ZFAND3: variants seen among roughly 807,000 people sequenced by gnomAD.
ZFAND3 encodes zinc finger AN1-type containing 3, also known as AN1-type zinc finger protein 3.
A neutral mutation model predicts 29.6 loss-of-function variants in ZFAND3; 10 were observed. The observed-to-expected ratio is 0.34, with a 90% CI of 0.21 to 0.57. The LOEUF is 0.57. Among genes scored for constraint, ZFAND3 ranks in the 20% least tolerant of loss-of-function variants. ZFAND3 has a pLI of 0.86. For synonymous variants in ZFAND3, 128 were observed against 112.6 expected, an observed-to-expected ratio of 1.14 and a Z score of -0.87; for missense variants, 230 against 304.5, an observed-to-expected ratio of 0.76 and a Z score of 1.82.
intron 5 of ZFAND3, among the ~76,000 whole-genome samples, chr6:38,148,542 C>T (rs930965681): frequency 1.2e-4 from 18 of 152,162 alleles, no homozygotes; most frequent in African/African-American, 3.9e-4. Context: ...TAAAACTGCT[C>T]ATATTGAAAT....
rs148567887 is a variant in ZFAND3 at position 37,962,263 on chromosome 6, G to C, written c.112+32264G>C. 7.6e-4 allele frequency among the ~76,000 whole-genome samples: 116 copies of C among 152,236 alleles called. 1 individual carries two copies. The East Asian group carries it at 0.017, about 22-fold the overall frequency. ...GGCAGAATTGACCAAACAGAAGAAA[G>C]AATTAGTGAGCTTGAAGACATGCTG... On this transcript the variant is annotated intron_variant, in intron 2 of 5. Transcript: ENST00000287218.
chr6:37,904,179 A>G (rs1363627917), intron 1 of ZFAND3, among the ~76,000 whole-genome samples: 2 of 152,192 alleles, frequency 1.3e-5, no homozygotes, highest in African/African-American at 2.4e-5. Context: ...GGCAGTGTAC[A>G]TCCTGTGGAA....
At chr6:38,147,209 A>G (rs1400489730) in intron 5 of ZFAND3, among the ~76,000 whole-genome samples, 1 of 152,090 alleles carries the variant, frequency 6.6e-6, no homozygotes, top group Non-Finnish European at 1.5e-5. Context: ...TGTTTAAATT[A>G]TTTAGCTCCT....
intron 5 of ZFAND3, among the ~76,000 whole-genome samples, chr6:38,126,330 A>C (rs1765634020): frequency 6.6e-6 from 1 of 152,168 alleles, no homozygotes; most frequent in Non-Finnish European, 1.5e-5. Context: ...GGTTATTGCC[A>C]GTTTGGGGCC....
intron 1 of ZFAND3, among the ~76,000 whole-genome samples, chr6:37,850,905 A>C (rs754765908): frequency 1.0e-4 from 15 of 149,660 alleles, no homozygotes; most frequent in Non-Finnish European, 1.9e-4. Context: ...TGGCCCTTTG[A>C]CTCTTTATAC....
chr6:38,100,437 G>C (rs1414313998), intron 4 of ZFAND3, among the ~76,000 whole-genome samples: 1 of 152,200 alleles, frequency 6.6e-6, no homozygotes. Flanking sequence ...AGCCATTGCA[G>C]TAATTAATGC....
chr6:38,102,238 T>C lies in ZFAND3; in HGVS notation c.362-14334T>C, dbSNP rs137989704. Among the ~76,000 whole-genome samples, 409 of 152,302 alleles carry C rather than the reference T, an allele frequency of 2.7e-3. 6 individuals are homozygous for C. Among genetic ancestry groups the C allele is most frequent in the African/African-American group, 9.4e-3 (392 of 41,572 alleles). On this transcript the variant is annotated intron_variant, in intron 4 of 5. Coordinates refer to ENST00000287218, the MANE Select transcript of ZFAND3 (RefSeq NM_021943.3). ...GCTCCCACCCTGAAAGCTTGCATTA[T>C]AAGTCAGACAGGCAAAACATTTGGA...
intron 5 of ZFAND3, among the ~76,000 whole-genome samples, chr6:38,130,246 C>T (rs1252361809): frequency 6.6e-6 from 1 of 152,154 alleles, no homozygotes; most frequent in African/African-American, 2.4e-5. Context: ...ACGATCATAT[C>T]ATCCATCAGC....
chr6:38,141,525 T>A (rs2127495369), intron 5 of ZFAND3, among the ~76,000 whole-genome samples: 1 of 152,366 alleles, frequency 6.6e-6, no homozygotes, highest in South Asian at 2.1e-4. Flanking sequence ...TAATTCAGAT[T>A]TCTCTGAAAT....
intron 1 of ZFAND3, among the ~76,000 whole-genome samples, chr6:37,923,072 T>C (rs1312009215): frequency 6.6e-6 from 1 of 152,218 alleles, no homozygotes; most frequent in South Asian, 2.1e-4. Flanking sequence ...ACAAACACAT[T>C]GTATAGTTAC....
At chr6:38,001,418 A>T (rs1221077602) in intron 2 of ZFAND3, among the ~76,000 whole-genome samples, 1 of 152,168 alleles carries the variant, frequency 6.6e-6, no homozygotes. Context: ...ATCTTGTAAG[A>T]CAGTCTGTGT....
In ZFAND3 at chr6:37,848,653, TAAAC is replaced by T. The variant is rs565473364; in HGVS notation, c.71+28638_71+28641del. ...TAGAGCTGCTTGAGTTGTCGTAACT[TAAAC>T]TAGCCATGAAACTTACAAACTGGAG... is the stretch of plus-strand genomic sequence containing the variant. On this transcript the variant is annotated intron_variant, in intron 1 of 5. Transcript: ENST00000287218. 6.1e-4 allele frequency among the ~76,000 whole-genome samples: 93 copies of T among 152,374 alleles called. 2 individuals carry two copies. The highest frequency in any genetic ancestry group is 5.7e-3 in the Admixed American group (87 of 15,308).
chr6:37,821,770 A>G (rs1461142921), intron 1 of ZFAND3, among the ~76,000 whole-genome samples: 2 of 152,234 alleles, frequency 1.3e-5, no homozygotes, highest in Non-Finnish European at 2.9e-5. Context: ...CATGAATGGA[A>G]TCTTTATCGA....
At chr6:37,929,022 A>G (rs557407369) in intron 1 of ZFAND3, among the ~76,000 whole-genome samples, 4 of 152,262 alleles carry the variant, frequency 2.6e-5, no homozygotes, top group African/African-American at 7.2e-5. Flanking sequence ...TTTGATTTCT[A>G]AGACCCCCTT....
At chr6:38,113,098 G>T (rs1765351421) in intron 4 of ZFAND3, among the ~76,000 whole-genome samples, 1 of 152,130 alleles carries the variant, frequency 6.6e-6, no homozygotes, top group Non-Finnish European at 1.5e-5. Context: ...AAGGGTAAGT[G>T]GGCATATTCC....
chr6:37,829,810 T>C (rs1763827980), intron 1 of ZFAND3, among the ~76,000 whole-genome samples: 1 of 152,224 alleles, frequency 6.6e-6, no homozygotes, highest in Non-Finnish European at 1.5e-5. Context: ...CAGGGAATAT[T>C]GAGCAGGATC....
chr6:38,054,752 A>G (rs1348551591), intron 2 of ZFAND3, among the ~76,000 whole-genome samples: 2 of 152,250 alleles, frequency 1.3e-5, no homozygotes, highest in East Asian at 1.9e-4. Context: ...TAAGGTTTTC[A>G]TAGTAACCAA....
chr6:37,921,695 T>A (rs904935080), intron 1 of ZFAND3, among the ~76,000 whole-genome samples: 4 of 151,762 alleles, frequency 2.6e-5, no homozygotes, highest in African/African-American at 4.8e-5. Context: ...GAAAAAAAAA[T>A]TTAGAAGAAA....
rs116108113 is a variant in ZFAND3 at position 37,825,742 on chromosome 6, A to G, written c.71+5726A>G. On this transcript the variant is annotated intron_variant, in intron 1 of 5. Transcript: ENST00000287218. ...CTTTATAATCCTTAATGGTATCAAA[A>G]TTAACATTAGTTTTCACAAATTAAC... Among the ~76,000 whole-genome samples, 764 of 152,332 alleles carry G rather than the reference A, an allele frequency of 5.0e-3. 9 individuals carry two copies. Among genetic ancestry groups the G allele is most frequent in the African/African-American group, 0.015 (631 of 41,584 alleles).
Sources: gnomAD v4.1 joint callset for allele counts (sites outside exome capture counted in the v4.1 genomes callset) on GRCh38, gnomAD v4.1.1 for gene constraint, MANE v1.5 for transcripts, NCBI Gene and HGNC (gene_info 2026-07-23, HGNC 2026-07-21) for gene names.